The following ZFHX3 variants were observed in gnomAD, a reference collection of about 807,000 sequenced individuals.
ZFHX3 encodes the protein zinc finger homeobox 3.
In ZFHX3, 42 loss-of-function variants were observed where a neutral mutation model predicts 279.1. That is an observed-to-expected ratio of 0.15 (90% CI 0.12 to 0.19). ZFHX3 has a LOEUF of 0.19. Ranked by LOEUF, ZFHX3 falls within the 10% of genes least tolerant of loss-of-function variation. The probability of loss-of-function intolerance (pLI) is 1.00; values close to 1 mark genes in which losing one functional copy is unlikely to be tolerated. For missense variants in ZFHX3, 4,981 were observed against 4,754.0 expected, an observed-to-expected ratio of 1.05 and a Z score of -1.40; for synonymous variants, 2,293 against 1,957.8, an observed-to-expected ratio of 1.17 and a Z score of -4.52.
intron 2 of ZFHX3, among the ~76,000 whole-genome samples, chr16:73,651,001 C>G (rs2052665177): frequency 6.6e-6 from 1 of 152,048 alleles, no homozygotes; most frequent in African/African-American, 2.4e-5. Context: ...TTACGATTAT[C>G]AAGGTGTAAT....
chr16:73,794,994 G>C (rs1179422027), intron 1 of ZFHX3, among the ~76,000 whole-genome samples: 3 of 152,136 alleles, frequency 2.0e-5, no homozygotes, highest in Non-Finnish European at 2.9e-5. Context: ...CCCAGGACTG[G>C]TTGGCTGCAC....
At chr16:73,399,129 T>C (rs2017193781) in intron 3 of ZFHX3, among the ~76,000 whole-genome samples, 1 of 151,988 alleles carries the variant, frequency 6.6e-6, no homozygotes, top group South Asian at 2.1e-4. Context: ...CCAGTTGTCT[T>C]GGCCTCCCAA....
chr16:73,316,274 G>A (rs956352115), intron 4 of ZFHX3, among the ~76,000 whole-genome samples: 2 of 152,184 alleles, frequency 1.3e-5, no homozygotes, highest in African/African-American at 4.8e-5. Flanking sequence ...AAAAAGCAGG[G>A]TCTCTGGCAA....
intron 1 of ZFHX3, chr16:73,813,808 G>A (rs893284237): frequency 7.2e-5 from 11 of 152,238 alleles, no homozygotes; most frequent in Non-Finnish European, 1.2e-4. Context: ...TCCCGGAGCG[G>A]AGACACAGAT....
chr16:73,156,231 C>CAAAA (rs60993308), intron 5 of ZFHX3, among the ~76,000 whole-genome samples: 3 of 88,524 alleles, frequency 3.4e-5, no homozygotes, highest in Non-Finnish European at 4.5e-5. Flanking sequence ...GACTCCCTCT[C>CAAAA]AAAAAAAAAA....
intron 2 of ZFHX3, among the ~76,000 whole-genome samples, chr16:73,608,412 A>G (rs1019284085): frequency 2.0e-4 from 31 of 152,368 alleles, no homozygotes; most frequent in Non-Finnish European, 2.9e-4. Flanking sequence ...GTGTGTTGGA[A>G]TATAATTCAG....
intron 7 of ZFHX3, among the ~76,000 whole-genome samples, chr16:73,130,224 GTAA>G (rs1260175641): frequency 6.6e-6 from 1 of 151,686 alleles, no homozygotes; most frequent in African/African-American, 2.4e-5. Flanking sequence ...CCTAACCCAC[GTAA>G]TTAAAGTGGA....
intron 1 of ZFHX3, among the ~76,000 whole-genome samples, chr16:73,712,212 C>T (rs553831140): frequency 7.7e-4 from 117 of 151,714 alleles, no homozygotes; most frequent in Middle Eastern, 3.4e-3. Context: ...CTCAACAAAC[C>T]AGCTGCAGTT....
chr16:73,586,690 T>C (rs1454308434), intron 2 of ZFHX3, among the ~76,000 whole-genome samples: 1 of 152,156 alleles, frequency 6.6e-6, no homozygotes, highest in African/African-American at 2.4e-5. Flanking sequence ...ATGAAGGTTT[T>C]AACTCATTTA....
chr16:73,525,682 C>G (rs1313778372), intron 2 of ZFHX3, among the ~76,000 whole-genome samples: 1 of 152,186 alleles, frequency 6.6e-6, no homozygotes, highest in Non-Finnish European at 1.5e-5. Flanking sequence ...CTATCGTTGC[C>G]TGTTCCCCTC....
chr16:73,229,014 A>C (rs186030264), intron 5 of ZFHX3, among the ~76,000 whole-genome samples: 1 of 152,152 alleles, frequency 6.6e-6, no homozygotes, highest in Non-Finnish European at 1.5e-5. Context: ...TATATACTCA[A>C]TATACTCAAT....
rs535681646 is a variant in ZFHX3, at chr16:72,926,181, T to A, written c.3216+24288A>T. Among the ~76,000 whole-genome samples the A allele has an allele frequency of 1.4e-3, 208 of 152,356 alleles. 2 individuals carry two copies. The Middle Eastern group carries it at 0.02, about 15-fold the overall frequency. The stretch of plus-strand genomic sequence containing the variant: ...GTTATGGGTCATGATTATTCTAATG[T>A]CTTATCATTTTATTTTGCATATGCC... On this transcript the variant is annotated intron_variant, in intron 3 of 9. Coordinates refer to ENST00000268489, the MANE Select transcript of ZFHX3 (RefSeq NM_006885.4).
At chr16:73,591,692 CAAAAA>C (rs57402211) in intron 2 of ZFHX3, among the ~76,000 whole-genome samples, 23 of 33,438 alleles carry the variant, frequency 6.9e-4, no homozygotes, top group South Asian at 2.9e-3. Context: ...GACTCTGTCT[CAAAAA>C]AAAAAAAAAA....
At chr16:72,928,907 A>T (rs538311600) in intron 3 of ZFHX3, among the ~76,000 whole-genome samples, 32 of 152,084 alleles carry the variant, frequency 2.1e-4, no homozygotes, top group Non-Finnish European at 3.4e-4. Flanking sequence ...GGCTGCAGTG[A>T]GCTAAAATTG....
chr16:72,798,972 A>T (rs2143473720), intron 8 of ZFHX3, among the ~76,000 whole-genome samples: 1 of 152,322 alleles, frequency 6.6e-6, no homozygotes, highest in Admixed American at 6.5e-5. Context: ...TGCATAATAG[A>T]CCCATGTCAT....
chr16:72,833,366 C>T (rs1337188920), intron 4 of ZFHX3, among the ~76,000 whole-genome samples: 4 of 152,130 alleles, frequency 2.6e-5, no homozygotes, highest in South Asian at 2.1e-4. Flanking sequence ...CCCTCTTCTG[C>T]GAAGTCACTG....
At chr16:73,404,477 T>C (rs35512815) in intron 3 of ZFHX3, among the ~76,000 whole-genome samples, 46,411 of 152,090 alleles carry the variant, frequency 0.31, 7,439 homozygotes, top group Middle Eastern at 0.42. Context: ...GCAGTGTTAT[T>C]AGGAAATTAC....
chr16:72,842,197 A>G (rs542803266), intron 4 of ZFHX3, among the ~76,000 whole-genome samples: 1 of 151,974 alleles, frequency 6.6e-6, no homozygotes, highest in African/African-American at 2.4e-5. Context: ...ATAAGTGAGC[A>G]ACTTGTTTTT....
chr16:73,530,900 G>C, intron 2 of ZFHX3, among the ~76,000 whole-genome samples: 1 of 152,256 alleles, frequency 6.6e-6, no homozygotes. Context: ...TCTGCCCCTT[G>C]GTTAAGGCTA....
Sources: allele counts gnomAD v4.1 joint callset (sites outside exome capture counted in the v4.1 genomes callset), GRCh38; gene constraint gnomAD v4.1.1; transcripts MANE v1.5; gene names NCBI Gene and HGNC (gene_info 2026-07-23, HGNC 2026-07-21).